KATNAL1: variants seen among roughly 807,000 people sequenced by gnomAD.
KATNAL1 encodes katanin catalytic subunit A1 like 1.
Under a neutral mutation model 55.2 loss-of-function variants are expected in KATNAL1, and 32 were observed. The observed-to-expected ratio is 0.58, with a 90% confidence interval of 0.44 to 0.78. The LOEUF (loss-of-function observed/expected upper bound fraction) is 0.78, where lower values mean the gene tolerates loss of function less well. KATNAL1 is among the 30% of genes least tolerant of loss of function. The probability of loss-of-function intolerance (pLI) is 0.00; values close to 1 mark genes in which losing one functional copy is unlikely to be tolerated. For missense variants in KATNAL1, 466 were observed against 600.9 expected (o/e 0.78, Z 2.35); for synonymous variants, 193 against 193.6 (o/e 1.00, Z 0.02).
intron 4 of KATNAL1, among the ~76,000 whole-genome samples, chr13:30,244,942 C>A (rs957024440): frequency 2.0e-5 from 3 of 151,578 alleles, no homozygotes; most frequent in African/African-American, 4.9e-5. Context: ...CAGGACCAGA[C>A]GGATTCACAG....
chr13:30,282,582 G>T (rs1032320673), intron 2 of KATNAL1, among the ~76,000 whole-genome samples: 13 of 151,754 alleles, frequency 8.6e-5, no homozygotes, highest in Admixed American at 5.3e-4. Flanking sequence ...AGGCTGCAGT[G>T]AGCTGTGATG....
intron 9 of KATNAL1, among the ~76,000 whole-genome samples, chr13:30,215,203 T>A (rs1454477562): frequency 3.3e-5 from 5 of 151,556 alleles, no homozygotes; most frequent in Non-Finnish European, 7.4e-5. Flanking sequence ...ATCAGAGAAA[T>A]GCAAATCAAA....
chr13:30,230,541 G>A lies in KATNAL1; in HGVS notation c.939C>T (p.Cys313=). The A allele has an allele frequency of 6.2e-7, 1 of 1,611,570 alleles. No homozygotes were observed. Among genetic ancestry groups the A allele is most frequent in the Non-Finnish European group, 8.5e-7 (1 of 1,178,072 alleles). The change falls in exon 8 of 11, where the codon TGC becomes TGT. Residue 313 remains cysteine, a synonymous_variant. Coordinates refer to ENST00000380615, the MANE Select transcript of KATNAL1 (RefSeq NM_032116.5). The part of the protein sequence containing the change: ...TIFIDEIDSI[C]SRRGTSDEHE... ...GTTCATCAGAGGTTCCTCTTCGACT[G>A]CAGATAGAATCTATCTCATCAATGA... is the stretch of plus-strand genomic sequence containing the variant.
intron 9 of KATNAL1, among the ~76,000 whole-genome samples, chr13:30,225,484 G>A (rs1875363993): frequency 6.6e-6 from 1 of 152,092 alleles, no homozygotes; most frequent in African/African-American, 2.4e-5. Flanking sequence ...ATATGTGTGT[G>A]TATTTAAAAT....
chr13:30,220,334 G>A (rs991936495), intron 9 of KATNAL1, among the ~76,000 whole-genome samples: 1 of 151,966 alleles, frequency 6.6e-6, no homozygotes, highest in African/African-American at 2.4e-5. Context: ...GGGGTCGTGT[G>A]CCTGTAATCC....
chr13:30,267,322 T>A (rs1033040919), intron 3 of KATNAL1, among the ~76,000 whole-genome samples: 1 of 152,244 alleles, frequency 6.6e-6, no homozygotes, highest in Non-Finnish European at 1.5e-5. Context: ...ATAGTGTCAG[T>A]TGAACTTTAG....
chr13:30,222,412 C>A (rs655776), intron 9 of KATNAL1, among the ~76,000 whole-genome samples: 16 of 152,114 alleles, frequency 1.1e-4, no homozygotes, highest in Admixed American at 1.0e-3. Flanking sequence ...CCCCCATAAT[C>A]GTGTGAGCCA....
chr13:30,303,559 T>C (rs1015545113), intron 1 of KATNAL1, among the ~76,000 whole-genome samples: 3 of 152,208 alleles, frequency 2.0e-5, no homozygotes, highest in African/African-American at 7.2e-5. Context: ...AGTCAGACCC[T>C]GTCTCCAAAA....
rs748667472 is a variant in KATNAL1 at position 30,227,470 on chromosome 13, G to A, written c.1089C>T (p.Asp363=). 3 of 1,613,486 alleles carry A rather than the reference G, an allele frequency of 1.9e-6. No individual in the cohort carries two copies. In the East Asian group the frequency reaches 6.7e-5, roughly 36 times the overall value. Residue 363 remains aspartate (D), a synonymous_variant, in exon 9 of 11, where the codon GAC becomes GAT. Coordinates refer to ENST00000380615, the MANE Select transcript of KATNAL1 (RefSeq NM_032116.5). ...ACCTTCTTCGCAAAGCTTCATCAAT[G>A]TCCCACGGGAAATTAGTAGCAGCCA... ...MVLAATNFPW[D]IDEALRRRLE...
At chr13:30,221,994 T>C (rs896211306) in intron 9 of KATNAL1, among the ~76,000 whole-genome samples, 1 of 152,018 alleles carries the variant, frequency 6.6e-6, no homozygotes, top group Non-Finnish European at 1.5e-5. Context: ...GAGGTTGCAG[T>C]GAGGTAAGAT....
chr13:30,277,003 T>C (rs933772846), intron 3 of KATNAL1, among the ~76,000 whole-genome samples: 1 of 152,178 alleles, frequency 6.6e-6, no homozygotes, highest in African/African-American at 2.4e-5. Context: ...TTAAATAAAA[T>C]AATGCATATA....
chr13:30,295,073 AATGCTGTTTTC>A (rs1882392190), intron 1 of KATNAL1, among the ~76,000 whole-genome samples: 1 of 152,254 alleles, frequency 6.6e-6, no homozygotes, highest in East Asian at 1.9e-4. Context: ...CAAAGAGATA[AATGCTGTTTTC>A]ATGCCTGCTT....
chr13:30,273,003 A>G (rs964352663), intron 3 of KATNAL1, among the ~76,000 whole-genome samples: 26 of 152,170 alleles, frequency 1.7e-4, no homozygotes, highest in African/African-American at 6.0e-4. Context: ...TGTGACTCTG[A>G]GCCAGCTGCC....
At position 30,292,748 on chromosome 13, in the gene KATNAL1, T is replaced by C. The variant is rs540759214; in HGVS notation, c.-14-8957A>G. Among the ~76,000 whole-genome samples the C allele has an allele frequency of 4.6e-5, 7 of 152,206 alleles. No individual in the cohort carries two copies. The East Asian group carries it at 7.7e-4, about 17-fold the overall frequency. ...CCTTTATGGAGCACATTTTCTACAG[T>C]TGGGAGAAAAAATTTTTGCAACTGT... On this transcript the variant is annotated intron_variant, in intron 1 of 10. Transcript: ENST00000380615.
intron 3 of KATNAL1, among the ~76,000 whole-genome samples, chr13:30,264,248 T>C (rs376321715): frequency 5.4e-5 from 8 of 147,322 alleles, no homozygotes; most frequent in East Asian, 4.0e-4. Flanking sequence ...AAGACTTAAA[T>C]GTTAGACCTA....
chr13:30,229,083 A>G (rs138051163), intron 8 of KATNAL1, among the ~76,000 whole-genome samples: 21 of 152,190 alleles, frequency 1.4e-4, no homozygotes, highest in African/African-American at 5.1e-4. Context: ...AATGTATTTT[A>G]TCTGTTCTAA....
intron 3 of KATNAL1, among the ~76,000 whole-genome samples, chr13:30,257,265 T>C (rs1252780523): frequency 6.6e-6 from 1 of 152,202 alleles, no homozygotes; most frequent in Non-Finnish European, 1.5e-5. Flanking sequence ...TATAAATGTC[T>C]TTCCTGAGTC....
At chr13:30,244,434 T>C (rs1335158664) in intron 4 of KATNAL1, among the ~76,000 whole-genome samples, 1 of 152,206 alleles carries the variant, frequency 6.6e-6, no homozygotes, top group Non-Finnish European at 1.5e-5. Flanking sequence ...CCTTTGGGTA[T>C]ATACCCTGTA....
intron 3 of KATNAL1, among the ~76,000 whole-genome samples, chr13:30,271,803 G>A (rs1018235450): frequency 1.3e-5 from 2 of 149,098 alleles, no homozygotes; most frequent in Non-Finnish European, 3.0e-5. Flanking sequence ...GCTCCATAGG[G>A]CTCACAAAGC....
Sources: allele counts gnomAD v4.1 joint callset (sites outside exome capture counted in the v4.1 genomes callset), GRCh38; gene constraint gnomAD v4.1.1; transcripts MANE v1.5; gene names NCBI Gene and HGNC (gene_info 2026-07-23, HGNC 2026-07-21).